OSBPL10: variants seen among roughly 807,000 people sequenced by gnomAD.
OSBPL10 encodes the protein oxysterol binding protein like 10.
OSBPL10 carries 49 observed loss-of-function variants against 81.7 expected under a neutral mutation model. The ratio of observed to expected loss-of-function variants is 0.60; its 90% CI spans 0.48 to 0.76. The LOEUF (loss-of-function observed/expected upper bound fraction) is 0.76. Ranked by LOEUF, OSBPL10 falls within the 30% of genes least tolerant of loss-of-function variation. The probability of loss-of-function intolerance (pLI) is 0.00; values close to 1 mark genes in which losing one functional copy is unlikely to be tolerated. For missense variants in OSBPL10, 923 were observed against 987.8 expected (o/e 0.93, Z 0.88); for synonymous variants, 419 against 383.6 (o/e 1.09, Z -1.08).
chr3:31,958,204 C>CAATT (rs1469413975), intron 1 of OSBPL10, among the ~76,000 whole-genome samples: 2 of 152,174 alleles, frequency 1.3e-5, no homozygotes. Flanking sequence ...CCTGAATAGC[C>CAATT]AATTACCTGA....
chr3:31,991,739 G>A (rs1699032708), intron 2 of OSBPL10: 1 of 154,500 alleles, frequency 6.5e-6, no homozygotes, highest in Admixed American at 6.6e-5. Context: ...AACTAATACA[G>A]ATGCCTACCC....
At chr3:31,737,561 T>G (rs1198809881) in intron 5 of OSBPL10, among the ~76,000 whole-genome samples, 1 of 152,048 alleles carries the variant, frequency 6.6e-6, no homozygotes, top group Non-Finnish European at 1.5e-5. Context: ...CCAACATTAG[T>G]AGAATTAAAA....
At chr3:31,859,405 A>T (rs554738282) in intron 3 of OSBPL10, among the ~76,000 whole-genome samples, 1 of 152,344 alleles carries the variant, frequency 6.6e-6, no homozygotes, top group South Asian at 2.1e-4. Context: ...ATATCTCTTC[A>T]TCTGTATCCT....
At chr3:32,075,202 C>G (rs564183962) in intron 1 of OSBPL10, among the ~76,000 whole-genome samples, 1 of 152,190 alleles carries the variant, frequency 6.6e-6, no homozygotes, top group Non-Finnish European at 1.5e-5. Flanking sequence ...CAGGTTGACC[C>G]TTTAGCTGCA....
chr3:31,879,458 A>T, intron 2 of OSBPL10, 197 bp downstream of exon 2: 1 of 575,082 alleles, frequency 1.7e-6, no homozygotes, highest in South Asian at 2.5e-5. Flanking sequence ...TCCTCAGTTA[A>T]TTAGGACAAG....
chr3:31,757,182 G>T (rs943432779), intron 4 of OSBPL10, among the ~76,000 whole-genome samples: 12 of 152,182 alleles, frequency 7.9e-5, no homozygotes, highest in African/African-American at 2.9e-4. Context: ...ATATGCTGAA[G>T]TCCTAATTCC....
At chr3:31,788,687 A>G (rs1322305196) in intron 4 of OSBPL10, among the ~76,000 whole-genome samples, 1 of 152,188 alleles carries the variant, frequency 6.6e-6, no homozygotes, top group Non-Finnish European at 1.5e-5. Flanking sequence ...CCGATGCAGG[A>G]GGATCACTTG....
intron 4 of OSBPL10, among the ~76,000 whole-genome samples, chr3:31,763,651 T>C (rs1158350317): frequency 6.6e-6 from 1 of 152,238 alleles, no homozygotes; most frequent in African/African-American, 2.4e-5. Flanking sequence ...TTGCTGTTTT[T>C]AGATCAAATA....
chr3:31,751,732 C>T (rs1461377372), intron 4 of OSBPL10, among the ~76,000 whole-genome samples: 4 of 152,332 alleles, frequency 2.6e-5, no homozygotes, highest in African/African-American at 7.2e-5. Flanking sequence ...GATTGGCACA[C>T]AGTAGACACC....
At chr3:31,737,068 A>C (rs1697197264) in intron 5 of OSBPL10, among the ~76,000 whole-genome samples, 1 of 152,198 alleles carries the variant, frequency 6.6e-6, no homozygotes, top group Admixed American at 6.5e-5. Context: ...CTGAACTGGC[A>C]GTGGTAGGCT....
At chr3:31,674,582 AT>A (rs1189673797) in intron 8 of OSBPL10, among the ~76,000 whole-genome samples, 4 of 101,876 alleles carry the variant, frequency 3.9e-5, no homozygotes, top group East Asian at 2.9e-4. Flanking sequence ...AGATAGATAG[AT>A]TAGATAGATA....
intron 1 of OSBPL10, among the ~76,000 whole-genome samples, chr3:31,934,089 AC>A (rs371181684): frequency 8.1e-5 from 12 of 148,180 alleles, no homozygotes; most frequent in Admixed American, 1.3e-4. Context: ...AAAAAAAAAA[AC>A]AAAAAAAAAA....
At chr3:31,750,949 A>G (rs1697697041) in intron 4 of OSBPL10, among the ~76,000 whole-genome samples, 1 of 152,198 alleles carries the variant, frequency 6.6e-6, no homozygotes, top group African/African-American at 2.4e-5. Flanking sequence ...GGCTTAGAGA[A>G]TATTCTTCTC....
At chr3:31,762,630 A>AATTTTTTTTTTTTTTTT (rs1698079634) in intron 4 of OSBPL10, among the ~76,000 whole-genome samples, 13 of 61,482 alleles carry the variant, frequency 2.1e-4, no homozygotes, top group Non-Finnish European at 3.5e-4. Flanking sequence ...CATGCCCAGC[A>AATTTTTTTTTTTTTTTT]TTTTTTTTTT....
At chr3:31,931,151 C>T (rs746842114) in intron 1 of OSBPL10, among the ~76,000 whole-genome samples, 4 of 151,296 alleles carry the variant, frequency 2.6e-5, no homozygotes, top group Admixed American at 6.6e-5. Context: ...AGAGGGAGAC[C>T]GAGAGACAGA....
chr3:31,760,797 T>C (rs1444164827), intron 4 of OSBPL10, among the ~76,000 whole-genome samples: 1 of 152,208 alleles, frequency 6.6e-6, no homozygotes, highest in African/African-American at 2.4e-5. Context: ...GCAGAACATT[T>C]CATCACATAA....
chr3:31,838,829 ATTGTTT>A (rs1700426347), intron 3 of OSBPL10, among the ~76,000 whole-genome samples: 4 of 152,238 alleles, frequency 2.6e-5, no homozygotes, highest in African/African-American at 9.6e-5. Context: ...AATACTTTAA[ATTGTTT>A]ATATGGTTTT....
At chr3:31,879,899 G>A (rs1695509289) in intron 1 of OSBPL10, 69 bp from the exon 2 acceptor site, 1 of 1,468,094 alleles carries the variant, frequency 6.8e-7, no homozygotes, top group East Asian at 2.4e-5. Context: ...GCAGAAAAAA[G>A]CAAAGTGATC....
At chr3:31,739,296 G>C (rs1697273312) in intron 5 of OSBPL10, among the ~76,000 whole-genome samples, 2 of 152,042 alleles carry the variant, frequency 1.3e-5, no homozygotes, top group African/African-American at 4.8e-5. Context: ...GGAGGGAAAG[G>C]AAAGGACGAA....
Sources: gnomAD v4.1 joint callset for allele counts (sites outside exome capture counted in the v4.1 genomes callset) on GRCh38, gnomAD v4.1.1 for gene constraint, MANE v1.5 for transcripts, NCBI Gene and HGNC (gene_info 2026-07-23, HGNC 2026-07-21) for gene names.